The following DMD variants were observed in gnomAD, a reference collection of about 807,000 sequenced individuals.
DMD encodes dystrophin.
DMD carries 63 observed loss-of-function variants against 330.1 expected under a neutral mutation model. The observed-to-expected ratio is 0.19, with a 90% CI of 0.16 to 0.24. The LOEUF is 0.24. Among genes scored for constraint, DMD ranks in the 10% least tolerant of loss-of-function variants. The pLI is 1.00. For synonymous variants in DMD, 1,223 were observed against 959.8 expected, an observed-to-expected ratio of 1.27 and a Z score of -5.07; for missense variants, 3,344 against 2,684.1, an observed-to-expected ratio of 1.25 and a Z score of -5.43.
At position 32,606,734 on chromosome X, in the gene DMD, TATATATATAC is replaced by T. The variant is rs1268022873; in HGVS notation, c.1482+7559_1482+7568del. On this transcript the variant is annotated intron_variant, in intron 12 of 78. Coordinates refer to ENST00000357033, the MANE Select transcript of DMD (RefSeq NM_004006.3). ...GTGTGTATATACGCATATATATATA[TATATATATAC>T]ACACACACATACATATATATACACA... 4.9e-4 allele frequency among the ~76,000 whole-genome samples: 37 copies of T among 74,860 alleles called. No individual in the cohort carries two copies. The South Asian group carries it at 0.013, about 26-fold the overall frequency. The allele number at this position is 74,860 out of a possible 115,157, so 65.0% of individuals were successfully genotyped here. A position where few individuals can be genotyped will look rare whatever the true frequency, so the allele number is the denominator to read the frequency against.
At chrX:31,382,465 C>G (rs2060228955) in intron 60 of DMD, among the ~76,000 whole-genome samples, 1 of 111,662 alleles carries the variant, frequency 9.0e-6, no homozygotes, top group Admixed American at 9.5e-5. Context: ...TCCAAGCCAT[C>G]ACAGCTGATA....
chrX:32,186,474 TA>T (rs1397584994), intron 44 of DMD, among the ~76,000 whole-genome samples: 1 of 111,846 alleles, frequency 8.9e-6, no homozygotes, highest in African/African-American at 3.2e-5. Flanking sequence ...AGCATTATGC[TA>T]AAAAAATCTT....
intron 63 of DMD, among the ~76,000 whole-genome samples, chrX:31,253,633 A>ATATC (rs2049632848): frequency 8.9e-6 from 1 of 111,890 alleles, no homozygotes; most frequent in African/African-American, 3.2e-5. Context: ...CAAATTGCTG[A>ATATC]TTTATAATGA....
At position 33,233,247 on chromosome X, in the gene DMD, C is replaced by T. The variant is rs142891485; in HGVS notation, c.7+106012G>A. Among the ~76,000 whole-genome samples the T allele has an allele frequency of 3.3e-4, 37 of 111,438 alleles. No homozygotes were observed. The East Asian group carries it at 9.4e-3, about 28-fold the overall frequency. On this transcript the variant is annotated intron_variant, in intron 1 of 17. Coordinates refer to the DMD transcript ENST00000288447. The stretch of plus-strand genomic sequence containing the variant: ...TTAAAAATAAACGACAACATCAATA[C>T]GACATATGAGACTACCATTATAGTC...
chrX:32,830,868 A>T (rs1378655761), intron 4 of DMD, among the ~76,000 whole-genome samples: 3 of 111,177 alleles, frequency 2.7e-5, no homozygotes, highest in African/African-American at 9.8e-5. Context: ...GAATATTAAA[A>T]TGTGAACTCT....
At chrX:32,258,375 T>C (rs2097308017) in intron 43 of DMD, among the ~76,000 whole-genome samples, 1 of 111,857 alleles carries the variant, frequency 8.9e-6, no homozygotes, top group African/African-American at 3.3e-5. Context: ...GTATGTTTAT[T>C]GCAGCACTAT....
intron 43 of DMD, among the ~76,000 whole-genome samples, chrX:32,278,455 G>C (rs1472725041): frequency 9.0e-6 from 1 of 110,912 alleles, no homozygotes; most frequent in Non-Finnish European, 1.9e-5. Context: ...CCTACAAAAT[G>C]GGAGAAAATT....
intron 41 of DMD, among the ~76,000 whole-genome samples, chrX:32,326,878 G>C (rs1295752164): frequency 9.8e-6 from 1 of 102,068 alleles, no homozygotes; most frequent in Non-Finnish European, 2.0e-5. Context: ...CTGCACTCCA[G>C]CCTGGGTGAC....
At chrX:31,481,681 G>C (rs1381107914) in intron 57 of DMD, among the ~76,000 whole-genome samples, 1 of 111,939 alleles carries the variant, frequency 8.9e-6, no homozygotes, top group East Asian at 2.8e-4. Flanking sequence ...ATGGAGATTA[G>C]ATCTGTAGCA....
At chrX:32,837,837 T>C (rs1284909157) in intron 4 of DMD, among the ~76,000 whole-genome samples, 3 of 112,118 alleles carry the variant, frequency 2.7e-5, no homozygotes, top group Admixed American at 9.5e-5. Context: ...TTCCCAATAA[T>C]GACAGACATA....
intron 53 of DMD, among the ~76,000 whole-genome samples, chrX:31,660,757 A>C (rs1250079940): frequency 9.0e-6 from 1 of 111,680 alleles, no homozygotes; most frequent in Non-Finnish European, 1.9e-5. Flanking sequence ...AAGTTAAATA[A>C]CCTTGGAAGC....
rs958983367 is a variant in DMD, at chrX:31,173,445, A to G, written c.10328+94T>C. The G allele has an allele frequency of 1.7e-5, 18 of 1,047,625 alleles. No homozygotes were observed. The East Asian group carries it at 5.4e-4, about 32-fold the overall frequency. The allele number at this position is 1,047,625 out of a possible 1,213,427, so 86.3% of individuals were successfully genotyped here. A position where few individuals can be genotyped will look rare whatever the true frequency, so the allele number is the denominator to read the frequency against. On this transcript the variant is annotated intron_variant, in intron 72 of 78. Transcript: ENST00000357033. Reference sequence around the variant, plus strand: ...AGTAGGAATCAGACAAGTTTGGGGAAAAAAAGAAAAGATTTGTTTAAAATA... The same window carrying G: ...AGTAGGAATCAGACAAGTTTGGGGAGAAAAAGAAAAGATTTGTTTAAAATA...
intron 2 of DMD, among the ~76,000 whole-genome samples, chrX:33,004,327 A>G (rs767937105): frequency 1.2e-4 from 13 of 111,293 alleles, no homozygotes; most frequent in African/African-American, 3.9e-4. Flanking sequence ...CTCACCCACT[A>G]TGTTCCTTGG....
At chrX:32,077,168 G>A (rs1372572808) in intron 44 of DMD, among the ~76,000 whole-genome samples, 1 of 111,099 alleles carries the variant, frequency 9.0e-6, no homozygotes, top group African/African-American at 3.3e-5. Flanking sequence ...AGACTGAAAA[G>A]GGGCAGAAGG....
chrX:31,250,013 A>G (rs1446660973), intron 63 of DMD, among the ~76,000 whole-genome samples: 1 of 110,694 alleles, frequency 9.0e-6, no homozygotes, highest in African/African-American at 3.3e-5. Context: ...TTTTGACCAC[A>G]GAGAACTGGT....
chrX:32,480,185 A>C (rs555353161), intron 21 of DMD, among the ~76,000 whole-genome samples: 31 of 112,070 alleles, frequency 2.8e-4, no homozygotes, highest in African/African-American at 1.0e-3. Flanking sequence ...AACATCAGAA[A>C]AATGTGAAAA....
At chrX:32,715,161 A>T (rs2065568956) in intron 7 of DMD, among the ~76,000 whole-genome samples, 2 of 111,101 alleles carry the variant, frequency 1.8e-5, no homozygotes, top group Admixed American at 1.9e-4. Context: ...GTTATACACA[A>T]TGGAATATTA....
intron 44 of DMD, among the ~76,000 whole-genome samples, chrX:31,996,014 C>CA (rs2095583266): frequency 8.9e-6 from 1 of 111,758 alleles, no homozygotes; most frequent in East Asian, 2.8e-4. Flanking sequence ...ACATAAAGAA[C>CA]AAAAAAGGGC....
At chrX:31,390,328 C>T (rs767759544) in intron 60 of DMD, among the ~76,000 whole-genome samples, 3 of 109,445 alleles carry the variant, frequency 2.7e-5, no homozygotes, top group Non-Finnish European at 5.7e-5. Context: ...TCTTTACATG[C>T]TAAGTGATTT....
Sources: allele counts gnomAD v4.1 joint callset (sites outside exome capture counted in the v4.1 genomes callset), GRCh38; gene constraint gnomAD v4.1.1; transcripts MANE v1.5; gene names NCBI Gene and HGNC (gene_info 2026-07-23, HGNC 2026-07-21).